Variants in LONRF2 observed in about 807,000 individuals in gnomAD.
LONRF2 encodes the protein LON peptidase N-terminal domain and RING finger protein 2.
In LONRF2, 35 loss-of-function variants were observed where a neutral mutation model predicts 66.6. The ratio of observed to expected loss-of-function variants is 0.53; its 90% CI spans 0.40 to 0.70. The LOEUF (loss-of-function observed/expected upper bound fraction) is 0.70. Ranked by LOEUF, LONRF2 falls within the 30% of genes least tolerant of loss-of-function variation. LONRF2 has a pLI of 0.00. For synonymous variants in LONRF2, 417 were observed against 418.1 expected, an observed-to-expected ratio of 1.00 and a Z score of 0.03; for missense variants, 902 against 1,002.1, an observed-to-expected ratio of 0.90 and a Z score of 1.35.
At position 100,273,517 on chromosome 2, in the gene LONRF2, G is replaced by T. The variant is rs1674538706; in HGVS notation, c.*10781C>A. On this transcript the variant is annotated 3_prime_UTR_variant, in exon 12 of 12. Coordinates refer to ENST00000393437, the MANE Select transcript of LONRF2 (RefSeq NM_198461.4). ...ATATACAATACCAATTAATTGAAAT[G>T]AACAGTACAAGAATACATGAAGTAA... 1 of 152,166 alleles carries T rather than the reference G, an allele frequency of 6.6e-6. No individual in the cohort carries two copies. The highest frequency in any genetic ancestry group is 1.5e-5 in the Non-Finnish European group (1 of 68,034). 9.4% of individuals were successfully genotyped at this position (152,166 alleles called of 1,614,324 possible).
intron 1 of LONRF2, chr2:100,309,501 C>A: frequency 5.3e-6 from 1 of 187,990 alleles, no homozygotes; most frequent in Non-Finnish European, 1.1e-5. Flanking sequence ...AAACAGACTG[C>A]CACTGAGTAT....
At chr2:100,288,026 T>C (rs956627248) in intron 10 of LONRF2, among the ~76,000 whole-genome samples, 2 of 152,244 alleles carry the variant, frequency 1.3e-5, no homozygotes, top group African/African-American at 4.8e-5. Flanking sequence ...TAGAGGATTT[T>C]CTTATAAAAA....
At position 100,290,435 on chromosome 2, in the gene LONRF2, AG is replaced by A; in HGVS notation, c.1758-16del. 6.3e-7 allele frequency: 1 copy of A among 1,590,886 alleles called. No homozygotes were observed. Among genetic ancestry groups the A allele is most frequent in the Non-Finnish European group, 8.5e-7 (1 of 1,169,768 alleles). On this transcript the variant is annotated splice_polypyrimidine_tract_variant and intron_variant, in intron 9 of 11. Coordinates refer to ENST00000393437, the MANE Select transcript of LONRF2 (RefSeq NM_198461.4). ...ACTCTGAAAGCCTGAAAAGACAGTT[AG>A]GAGAAATGACTGTGATTTTTAAAAT... is the stretch of plus-strand genomic sequence containing the variant.
chr2:100,304,982 G>A (rs1244439972), intron 2 of LONRF2, among the ~76,000 whole-genome samples: 1 of 151,944 alleles, frequency 6.6e-6, no homozygotes. Flanking sequence ...TATGAAATTT[G>A]GAAATAAGCC....
Position 100,321,413 on chromosome 2 carries a change from AC to A in LONRF2, c.679+1del. On this transcript the variant is annotated splice_donor_variant, in intron 1 of 11. Transcript: ENST00000393437. LOFTEE classifies it high-confidence loss of function. ...GGCGGACCCGCCCCGCAGCCGACTC[AC>A]CCAGCTCCAGGGCCTGGTCGCACCT... The A allele has an allele frequency of 6.9e-7, 1 of 1,459,572 alleles. No individual in the cohort carries two copies. The highest frequency in any genetic ancestry group is 9.0e-7 in the Non-Finnish European group (1 of 1,116,656). 90.4% of individuals were successfully genotyped at this position (1,459,572 alleles called of 1,614,324 possible). A position where few individuals can be genotyped will look rare whatever the true frequency, so the allele number is the denominator to read the frequency against.
chr2:100,292,650 T>C (rs368778392), intron 9 of LONRF2, among the ~76,000 whole-genome samples: 16 of 152,336 alleles, frequency 1.1e-4, no homozygotes, highest in East Asian at 3.9e-4. Context: ...TTATTTTTTC[T>C]CTTTGCTGAC....
chr2:100,321,695 C>T lies in LONRF2; in HGVS notation c.399G>A (p.Glu133=). The T allele has an allele frequency of 8.2e-7, 1 of 1,217,164 alleles. No individual in the cohort carries two copies. Among genetic ancestry groups the T allele is most frequent in the Non-Finnish European group, 1.0e-6 (1 of 981,876 alleles). The allele number at this position is 1,217,164 out of a possible 1,614,324, so 75.4% of individuals were successfully genotyped here. ...CGAGCAGGTCGCGGGGCGCGCGGGGCTCCGGGGCCGGCCCTCCCTCGCCGG... is the reference window on the plus strand; with the variant it reads ...CGAGCAGGTCGCGGGGCGCGCGGGGTTCCGGGGCCGGCCCTCCCTCGCCGG... ...EAPGEGGPAP[E]PRAPRDLLGC... Residue 133 remains glutamate (E), a synonymous_variant, in exon 1 of 12, where the codon GAG becomes GAA. Transcript: ENST00000393437.
At chr2:100,292,330 C>T (rs1674978872) in intron 9 of LONRF2, among the ~76,000 whole-genome samples, 2 of 152,216 alleles carry the variant, frequency 1.3e-5, no homozygotes, top group Non-Finnish European at 2.9e-5. Flanking sequence ...GTGATGCAAA[C>T]TCCCTTCGTG....
chr2:100,289,222 CT>C (rs1674907431), intron 10 of LONRF2, among the ~76,000 whole-genome samples: 1 of 152,080 alleles, frequency 6.6e-6, no homozygotes, highest in Non-Finnish European at 1.5e-5. Context: ...ATGCTCATGC[CT>C]TTACACATTG....
chr2:100,295,347 C>A, intron 8 of LONRF2, 85 bp downstream of exon 8: 1 of 1,367,124 alleles, frequency 7.3e-7, no homozygotes. Context: ...AGTTCTCTGC[C>A]ATGAAAAGAA....
chr2:100,285,084 G>T (rs983686706), intron 11 of LONRF2, among the ~76,000 whole-genome samples: 5 of 152,180 alleles, frequency 3.3e-5, no homozygotes, highest in African/African-American at 1.2e-4. Context: ...GGCAAAAGCC[G>T]ATCATAAACT....
At position 100,280,650 on chromosome 2, in the gene LONRF2, G is replaced by A. The variant is rs7557575; in HGVS notation, c.*3648C>T. The stretch of plus-strand genomic sequence containing the variant: ...ACAAAAATTAGCTGGGTGTGGTGGC[G>A]CGTGCCTGTAATCCCAGCTACTCAG... On this transcript the variant is annotated 3_prime_UTR_variant, in exon 12 of 12. Transcript: ENST00000393437. 0.62 allele frequency: 94,751 copies of A among 151,768 alleles called. 30,130 individuals carry two copies. Among genetic ancestry groups the A allele is most frequent in the East Asian group, 0.94 (4,839 of 5,144 alleles). 9.4% of individuals were successfully genotyped at this position (151,768 alleles called of 1,614,324 possible). A position where few individuals can be genotyped will look rare whatever the true frequency, so the allele number is the denominator to read the frequency against.
chr2:100,317,775 A>G (rs923805117), intron 1 of LONRF2, among the ~76,000 whole-genome samples: 3 of 152,100 alleles, frequency 2.0e-5, no homozygotes, highest in Admixed American at 6.5e-5. Flanking sequence ...ACATTATTCC[A>G]TTAGCTTCTA....
At chr2:100,286,841 C>G (rs949586983) in intron 11 of LONRF2, 73 bp downstream of exon 11, 12 of 1,523,030 alleles carry the variant, frequency 7.9e-6, no homozygotes, top group African/African-American at 2.8e-5. Context: ...CTGCCAAGCT[C>G]TCCACCAGAA....
intron 7 of LONRF2, among the ~76,000 whole-genome samples, chr2:100,297,994 A>T (rs1675106757): frequency 6.6e-6 from 1 of 152,338 alleles, no homozygotes; most frequent in Non-Finnish European, 1.5e-5. Flanking sequence ...AAAGAAAAAA[A>T]AACTTTATCC....
intron 4 of LONRF2, 25 bp from the exon 5 acceptor site, chr2:100,299,943 T>G: frequency 7.3e-7 from 1 of 1,370,604 alleles, no homozygotes; most frequent in South Asian, 1.2e-5. Flanking sequence ...AAAAAAGGAA[T>G]CCTGAGTATT....
At chr2:100,306,136 A>G (rs1675286480) in intron 2 of LONRF2, among the ~76,000 whole-genome samples, 2 of 151,018 alleles carry the variant, frequency 1.3e-5, no homozygotes, top group Non-Finnish European at 3.0e-5. Context: ...CTGGTCTTGA[A>G]CTCCTGACCT....
chr2:100,305,691 C>T (rs947615014), intron 2 of LONRF2, among the ~76,000 whole-genome samples: 12 of 152,094 alleles, frequency 7.9e-5, no homozygotes, highest in Admixed American at 2.0e-4. Flanking sequence ...CAGTTTCATC[C>T]CTGAGCTCCC....
rs1379810115 is a variant in LONRF2 at position 100,284,245 on chromosome 2, C to T, written c.*53G>A. ...ATGAATGGACGGCTATTCGTCCATG[C>T]CTGACATTTATAAAAGCACAAGGGC... On this transcript the variant is annotated 3_prime_UTR_variant, in exon 12 of 12. Transcript: ENST00000393437. 9 of 1,433,074 alleles carry T rather than the reference C, an allele frequency of 6.3e-6. No homozygotes were observed. Among genetic ancestry groups the T allele is most frequent in the African/African-American group, 1.4e-5 (1 of 69,516 alleles). The allele number at this position is 1,433,074 out of a possible 1,614,324, so 88.8% of individuals were successfully genotyped here. A position where few individuals can be genotyped will look rare whatever the true frequency, so the allele number is the denominator to read the frequency against.
Sources: allele counts gnomAD v4.1 joint callset (sites outside exome capture counted in the v4.1 genomes callset), GRCh38; gene constraint gnomAD v4.1.1; transcripts MANE v1.5; gene names NCBI Gene and HGNC (gene_info 2026-07-23, HGNC 2026-07-21).